GPM6A: variants seen among roughly 807,000 people sequenced by gnomAD.
GPM6A encodes the protein glycoprotein M6A, also known as neuronal membrane glycoprotein M6-a.
A neutral mutation model predicts 32.1 loss-of-function variants in GPM6A; 7 were observed. That is an observed-to-expected ratio of 0.22 (90% confidence interval 0.12 to 0.41). The LOEUF is 0.41. GPM6A is among the 10% of genes least tolerant of loss of function. The pLI is 1.00. For synonymous variants in GPM6A, 130 were observed against 123.4 expected, an observed-to-expected ratio of 1.05 and a Z score of -0.35; for missense variants, 235 against 347.2, an observed-to-expected ratio of 0.68 and a Z score of 2.57.
chr4:175,931,667 A>AATATAT (rs375147884), intron 1 of GPM6A, among the ~76,000 whole-genome samples: 5 of 131,812 alleles, frequency 3.8e-5, no homozygotes, highest in African/African-American at 1.1e-4. Context: ...TGTGTTAAAA[A>AATATAT]ATATACACAC....
chr4:175,775,619 T>C (rs1340941108), intron 1 of GPM6A, among the ~76,000 whole-genome samples: 3 of 152,124 alleles, frequency 2.0e-5, no homozygotes, highest in Non-Finnish European at 4.4e-5. Flanking sequence ...AAATGGCAGC[T>C]TCCTTCCAAA....
chr4:175,915,922 C>G (rs940782213), intron 1 of GPM6A, among the ~76,000 whole-genome samples: 3 of 152,200 alleles, frequency 2.0e-5, no homozygotes, highest in African/African-American at 7.2e-5. Context: ...TCATCCTCTG[C>G]TACTTGCGTG....
chr4:175,794,911 C>A (rs138784971), intron 1 of GPM6A, among the ~76,000 whole-genome samples: 3 of 152,156 alleles, frequency 2.0e-5, no homozygotes, highest in African/African-American at 4.8e-5. Context: ...ACAATGGAAG[C>A]CTTTACGCAA....
chr4:175,989,348 C>T (rs547231228), intron 1 of GPM6A, among the ~76,000 whole-genome samples: 1 of 151,740 alleles, frequency 6.6e-6, no homozygotes, highest in East Asian at 1.9e-4. Flanking sequence ...GCTTTAAAAG[C>T]CAAGAAAAAG....
At chr4:175,888,493 C>G (rs1486270115) in intron 1 of GPM6A, among the ~76,000 whole-genome samples, 1 of 151,998 alleles carries the variant, frequency 6.6e-6, no homozygotes, top group Admixed American at 6.6e-5. Flanking sequence ...GACAGTTAAT[C>G]TATTATAGCA....
intron 1 of GPM6A, among the ~76,000 whole-genome samples, chr4:175,828,795 TA>T (rs1328579866): frequency 6.6e-6 from 1 of 152,126 alleles, no homozygotes; most frequent in African/African-American, 2.4e-5. Context: ...ATTTGCAAAG[TA>T]AATTTTAATT....
chr4:175,919,748 C>G (rs1341248801), intron 1 of GPM6A, among the ~76,000 whole-genome samples: 1 of 152,194 alleles, frequency 6.6e-6, no homozygotes, highest in African/African-American at 2.4e-5. Flanking sequence ...TGTGATGAAG[C>G]TGGGTACAGT....
intron 1 of GPM6A, among the ~76,000 whole-genome samples, chr4:175,719,242 A>G (rs1437569094): frequency 1.3e-5 from 2 of 151,186 alleles, no homozygotes; most frequent in Non-Finnish European, 2.9e-5. Flanking sequence ...CTCTGTCACC[A>G]GGCTGGAGTG....
chr4:175,832,290 G>A (rs949183946), intron 1 of GPM6A, among the ~76,000 whole-genome samples: 4 of 152,130 alleles, frequency 2.6e-5, no homozygotes, highest in African/African-American at 9.7e-5. Context: ...AAAAGTGTTT[G>A]AGATTTAAAC....
chr4:175,672,656 C>T (rs1044072408), intron 3 of GPM6A, among the ~76,000 whole-genome samples: 4 of 151,862 alleles, frequency 2.6e-5, no homozygotes, highest in Admixed American at 1.3e-4. Flanking sequence ...AATTTAAAGC[C>T]CCTTAGTCAC....
At chr4:175,653,331 C>CT (rs1351038962) in intron 3 of GPM6A, among the ~76,000 whole-genome samples, 1 of 152,084 alleles carries the variant, frequency 6.6e-6, no homozygotes, top group Non-Finnish European at 1.5e-5. Context: ...TGCCCCAGTA[C>CT]TTCAGAACCC....
At position 175,633,650 on chromosome 4, in the gene GPM6A, A is replaced by G. The variant is rs1560838497; in HGVS notation, c.*1255T>C. On this transcript the variant is annotated 3_prime_UTR_variant, in exon 7 of 7. Coordinates refer to ENST00000393658, the MANE Select transcript of GPM6A (RefSeq NM_201591.3). ...AGCGTCAAGGTGAAAACAAACACCA[A>G]ATTTGGTCCAATAATACTGATTGCT... The G allele has an allele frequency of 6.6e-6, 1 of 152,354 alleles. No homozygotes were observed. Among genetic ancestry groups the G allele is most frequent in the Non-Finnish European group, 1.5e-5 (1 of 67,908 alleles). The allele number at this position is 152,354 out of a possible 1,614,324, so 9.4% of individuals were successfully genotyped here. A position where few individuals can be genotyped will look rare whatever the true frequency, so the allele number is the denominator to read the frequency against.
intron 1 of GPM6A, among the ~76,000 whole-genome samples, chr4:175,911,830 A>C (rs1013290300): frequency 4.6e-5 from 7 of 152,234 alleles, no homozygotes; most frequent in African/African-American, 1.4e-4. Flanking sequence ...AAGAAGAGTG[A>C]GTAAACTTTT....
chr4:175,851,096 T>C (rs139352835), intron 1 of GPM6A, among the ~76,000 whole-genome samples: 120 of 152,224 alleles, frequency 7.9e-4, no homozygotes, highest in African/African-American at 2.5e-3. Context: ...TGGTGGCTCA[T>C]GCCTGTAATC....
chr4:175,648,430 C>A (rs1741598615), intron 4 of GPM6A, among the ~76,000 whole-genome samples: 1 of 152,042 alleles, frequency 6.6e-6, no homozygotes, highest in African/African-American at 2.4e-5. Context: ...AAATGGACTG[C>A]CATCATGATC....
intron 1 of GPM6A, among the ~76,000 whole-genome samples, chr4:175,994,157 G>A (rs940142149): frequency 2.0e-5 from 3 of 152,126 alleles, no homozygotes; most frequent in African/African-American, 7.2e-5. Flanking sequence ...TATGAGACAG[G>A]AGGTTATTAG....
At chr4:175,942,558 G>T (rs2126346780) in intron 1 of GPM6A, among the ~76,000 whole-genome samples, 1 of 152,240 alleles carries the variant, frequency 6.6e-6, no homozygotes, top group East Asian at 1.9e-4. Flanking sequence ...TTTGTATAAG[G>T]TGTAAGGAAG....
intron 5 of GPM6A, 89 bp from the exon 6 acceptor site, chr4:175,640,283 T>C (rs1741064713): frequency 4.1e-6 from 4 of 983,172 alleles, no homozygotes; most frequent in South Asian, 1.3e-5. Context: ...AACAAGACTT[T>C]GTACATCTTA....
At chr4:175,811,636 C>T (rs567904510) in intron 1 of GPM6A, among the ~76,000 whole-genome samples, 30 of 152,290 alleles carry the variant, frequency 2.0e-4, no homozygotes, top group Middle Eastern at 3.4e-3. Context: ...CGCTTCCATA[C>T]ACCCTGAAAA....
Sources: allele counts gnomAD v4.1 joint callset (sites outside exome capture counted in the v4.1 genomes callset), GRCh38; gene constraint gnomAD v4.1.1; transcripts MANE v1.5; gene names NCBI Gene and HGNC (gene_info 2026-07-23, HGNC 2026-07-21).